LOC101059915: variants seen among roughly 807,000 people sequenced by gnomAD.
chrX:71,669,798 C>T, the LOC101059915 span: 99 of 891,242 alleles, frequency 1.1e-4, no homozygotes, highest in Non-Finnish European at 1.4e-4. Context: ...GGGGGCTTAG[C>T]TGTGCTCCCA....
At chrX:71,669,063 T>A in the LOC101059915 span, 1 of 1,128,819 alleles carries the variant, frequency 8.9e-7, no homozygotes, top group Admixed American at 2.9e-5. Flanking sequence ...CTTCGCGCAC[T>A]CCTCCTTCTC....
chrX:71,668,637 T>C, the LOC101059915 span: 55 of 1,077,519 alleles, frequency 5.1e-5, no homozygotes, highest in African/African-American at 7.4e-4. Flanking sequence ...AGAGGCCGGC[T>C]GTGGGAGAGC....
the LOC101059915 span, chrX:71,670,573 G>A: frequency 9.1e-7 from 1 of 1,099,408 alleles, no homozygotes; most frequent in Non-Finnish European, 1.2e-6. Context: ...AGCCAGAATT[G>A]ACTAACCATT....
chrX:71,669,377 G>C, the LOC101059915 span, among the ~76,000 whole-genome samples: 8 of 111,499 alleles, frequency 7.2e-5, no homozygotes, highest in Non-Finnish European at 1.3e-4. Flanking sequence ...TGGGCATCTA[G>C]ACTCATCAAC....
At chrX:71,671,120 G>T in the LOC101059915 span, 1 of 1,158,320 alleles carries the variant, frequency 8.6e-7, no homozygotes. Flanking sequence ...GTTTCTGGTT[G>T]CAGGGCTAGG....
chrX:71,668,089 G>A, the LOC101059915 span: 78 of 1,148,493 alleles, frequency 6.8e-5, no homozygotes, highest in African/African-American at 1.3e-3. Flanking sequence ...CGACGACCAA[G>A]CGGGTGGTGG....
At chrX:71,669,121 C>T in the LOC101059915 span, 1 of 1,063,227 alleles carries the variant, frequency 9.4e-7, no homozygotes. Context: ...CCCCACCCAC[C>T]TCTCTTCCAG....
At chrX:71,667,908 C>A in the LOC101059915 span, 1 of 1,124,786 alleles carries the variant, frequency 8.9e-7, no homozygotes, top group East Asian at 3.3e-5. Context: ...CACGGGGTGA[C>A]GGCCACGGCC....
At chrX:71,667,892 G>A in the LOC101059915 span, 2 of 1,113,944 alleles carry the variant, frequency 1.8e-6, no homozygotes, top group Non-Finnish European at 1.2e-6. Flanking sequence ...GCCAGCCCGG[G>A]AGCCCCACGG....
chrX:71,669,051 C>G, the LOC101059915 span: 1 of 1,145,446 alleles, frequency 8.7e-7, no homozygotes, highest in Non-Finnish European at 1.2e-6. Context: ...TGAGTAGGTT[C>G]TCTTCGCGCA....
chrX:71,668,913 C>T, the LOC101059915 span: 127 of 1,130,445 alleles, frequency 1.1e-4, 1 homozygote, highest in African/African-American at 1.2e-3. Flanking sequence ...TGGGGAAGTC[C>T]GTGAGACCCA....
the LOC101059915 span, chrX:71,668,164 C>T: frequency 8.8e-7 from 1 of 1,130,329 alleles, no homozygotes; most frequent in Non-Finnish European, 1.2e-6. Context: ...CGTCCAGGGA[C>T]ACCCGTCCCC....
At chrX:71,670,281 C>G in the LOC101059915 span, 1 of 1,166,472 alleles carries the variant, frequency 8.6e-7, no homozygotes, top group Non-Finnish European at 1.1e-6. Context: ...ACCTGTCCAT[C>G]CCCCAAGACC....
the LOC101059915 span, chrX:71,671,422 G>A: frequency 8.1e-6 from 4 of 491,516 alleles, no homozygotes; most frequent in Admixed American, 8.1e-5. Context: ...GCAGCTAAGC[G>A]GGTTCCCTCC....
the LOC101059915 span, chrX:71,668,266 G>A: frequency 3.5e-6 from 4 of 1,131,471 alleles, no homozygotes; most frequent in Non-Finnish European, 4.7e-6. Flanking sequence ...CAGCCCTGGA[G>A]AATGGCAGCA....
chrX:71,668,252 G>A, the LOC101059915 span: 3 of 1,127,463 alleles, frequency 2.7e-6, no homozygotes, highest in Non-Finnish European at 3.5e-6. Flanking sequence ...GGTGCGCTGA[G>A]CCCCAGCCCT....
chrX:71,670,557 A>T, the LOC101059915 span: 3 of 1,093,394 alleles, frequency 2.7e-6, no homozygotes, highest in Non-Finnish European at 3.6e-6. Context: ...GAACGGGGAG[A>T]AAGGAAGCCA....
chrX:71,671,299 G>A, the LOC101059915 span: 4 of 1,118,830 alleles, frequency 3.6e-6, no homozygotes, highest in Non-Finnish European at 4.8e-6. Flanking sequence ...TAGCTTAGAA[G>A]GGCTGTGGGC....
the LOC101059915 span, chrX:71,670,525 T>A: frequency 9.2e-7 from 1 of 1,083,152 alleles, no homozygotes; most frequent in Non-Finnish European, 1.2e-6. Flanking sequence ...ATGGGGGCTA[T>A]AAGGGCTGGG....
Sources: allele counts gnomAD v4.1 joint callset (sites outside exome capture counted in the v4.1 genomes callset), GRCh38; gene constraint gnomAD v4.1.1; transcripts MANE v1.5.